Variants in APPL2 observed in about 807,000 individuals in gnomAD.
APPL2 encodes adaptor protein, phosphotyrosine interacting with PH domain and leucine zipper 2, also known as DCC-interacting protein 13-beta.
Under a neutral mutation model 92.7 loss-of-function variants are expected in APPL2, and 84 were observed. The ratio of observed to expected loss-of-function variants is 0.91; its 90% CI spans 0.76 to 1.09. The LOEUF (loss-of-function observed/expected upper bound fraction) is 1.09. APPL2 is among the 50% of genes least tolerant of loss of function. The pLI is 0.00. For missense variants in APPL2, 736 were observed against 824.5 expected (o/e 0.89, Z 1.31); for synonymous variants, 291 against 291.0 (o/e 1.00, Z 0.00).
chr12:105,223,658 C>T (rs547999410), intron 2 of APPL2, among the ~76,000 whole-genome samples: 26 of 152,108 alleles, frequency 1.7e-4, no homozygotes, highest in African/African-American at 5.8e-4. Context: ...AGATGTTTGG[C>T]GAGGAGCCAA....
intron 2 of APPL2, among the ~76,000 whole-genome samples, chr12:105,227,527 C>G (rs1364897457): frequency 6.6e-6 from 1 of 152,192 alleles, no homozygotes; most frequent in African/African-American, 2.4e-5. Flanking sequence ...TTCCTGTGTT[C>G]TCCCATGTAT....
At chr12:105,224,072 T>C (rs1225495180) in intron 2 of APPL2, among the ~76,000 whole-genome samples, 1 of 152,072 alleles carries the variant, frequency 6.6e-6, no homozygotes, top group African/African-American at 2.4e-5. Flanking sequence ...CTAAAAGCAA[T>C]CAACAGCTTT....
At chr12:105,209,967 T>C (rs971691823) in intron 5 of APPL2, among the ~76,000 whole-genome samples, 5 of 131,396 alleles carry the variant, frequency 3.8e-5, no homozygotes, top group Non-Finnish European at 8.4e-5. Flanking sequence ...ATCTTCACCC[T>C]TTTTTTTTTT....
At chr12:105,190,232 CTT>C (rs1887086995) in intron 14 of APPL2, 77 bp from the exon 15 acceptor site, 1 of 1,448,762 alleles carries the variant, frequency 6.9e-7, no homozygotes, top group Non-Finnish European at 9.3e-7. Context: ...GCTGAGGTGA[CTT>C]TTATGAATGA....
intron 8 of APPL2, among the ~76,000 whole-genome samples, chr12:105,204,839 C>A (rs1013796839): frequency 6.6e-6 from 1 of 152,128 alleles, no homozygotes; most frequent in African/African-American, 2.4e-5. Flanking sequence ...AATGGATGAA[C>A]GGAAGGCAGG....
At position 105,229,157 on chromosome 12, in the gene APPL2, G is replaced by A. The variant is rs769835660; in HGVS notation, c.121C>T (p.Leu41Phe). ...CCATAGACGCGCTGCATTGCCTGGA[G>A]CAGCTGGTTGGTATAGTCTGTGAGG... ...GTLTDYTNQL[L>F]QAMQRVYGAQ... The change falls in exon 2 of 21, where the codon CTC becomes TTC. Residue 41 changes from leucine to phenylalanine, a missense_variant. Physicochemically the swap from Leu to Phe is conservative, Grantham distance 22. Coordinates refer to ENST00000258530, the MANE Select transcript of APPL2 (RefSeq NM_018171.5). The A allele has an allele frequency of 6.2e-7, 1 of 1,613,330 alleles. No individual in the cohort carries two copies. Among genetic ancestry groups the A allele is most frequent in the Non-Finnish European group, 8.5e-7 (1 of 1,179,752 alleles).
intron 1 of APPL2, 55 bp from the exon 2 acceptor site, chr12:105,229,278 A>G: frequency 6.7e-7 from 1 of 1,493,542 alleles, no homozygotes; most frequent in Non-Finnish European, 9.2e-7. Context: ...AAAGTTACAG[A>G]GGAGGAGGAA....
chr12:105,231,570 C>A (rs1009327685), intron 1 of APPL2, among the ~76,000 whole-genome samples: 2 of 152,158 alleles, frequency 1.3e-5, no homozygotes, highest in African/African-American at 2.4e-5. Context: ...GTAAATGGGT[C>A]GGCAGCACTG....
rs1371642674 is a variant in APPL2 at position 105,184,934 on chromosome 12, T to G, written c.1634+3339A>C. ...AGCCCCTGACTGGGGGCTGCTACCT[T>G]TCTTTCAGAGATGCCCTGCCCAGAG... On this transcript the variant is annotated intron_variant, in intron 17 of 20. Transcript: ENST00000258530. Among the ~76,000 whole-genome samples the G allele has an allele frequency of 2.0e-5, 3 of 152,314 alleles. No homozygotes were observed. The East Asian group carries it at 5.8e-4, about 29-fold the overall frequency.
At chr12:105,201,905 C>T (rs1009708409) in intron 9 of APPL2, among the ~76,000 whole-genome samples, 2 of 152,168 alleles carry the variant, frequency 1.3e-5, no homozygotes, top group African/African-American at 4.8e-5. Context: ...CTGGAAAGCA[C>T]AGAGCACCTG....
intron 17 of APPL2, among the ~76,000 whole-genome samples, chr12:105,178,221 T>C (rs1034147410): frequency 6.6e-6 from 1 of 152,258 alleles, no homozygotes; most frequent in Admixed American, 6.5e-5. Context: ...TACTGTATTG[T>C]ACTCGTGTTG....
chr12:105,197,820 C>T lies in APPL2; in HGVS notation c.997G>A (p.Val333Met), dbSNP rs751080795. Residue 333 changes from valine (V) to methionine (M), a missense_variant, in exon 11 of 21, where the codon GTG (valine) becomes ATG (methionine). Coordinates refer to ENST00000258530, the MANE Select transcript of APPL2 (RefSeq NM_018171.5). ...QDLDNCSVMA[V>M]DCEDRRYCFQ... The stretch of plus-strand genomic sequence containing the variant: ...CAGTAGCGCCGGTCTTCGCAATCCA[C>T]GGCCATCACTGAGCAGTTGTCCAGG... 16 of 1,614,090 alleles carry T rather than the reference C, an allele frequency of 9.9e-6. No individual in the cohort carries two copies. Among genetic ancestry groups the T allele is most frequent in the Non-Finnish European group, 1.3e-5 (15 of 1,180,044 alleles).
intron 1 of APPL2, among the ~76,000 whole-genome samples, chr12:105,234,115 G>A (rs1891096534): frequency 6.6e-6 from 1 of 152,162 alleles, no homozygotes; most frequent in African/African-American, 2.4e-5. Context: ...TCTTAAGGGT[G>A]ATGGCCAAGT....
Position 105,213,464 on chromosome 12 carries a change from C to A in APPL2, c.286-2147G>T, listed in dbSNP as rs373422705. On this transcript the variant is annotated intron_variant, in intron 4 of 20. Coordinates refer to ENST00000258530, the MANE Select transcript of APPL2 (RefSeq NM_018171.5). ...GACAGTGACATGAACAGGACACACT[C>A]AGAGCAGAGTGCCTGGCATATATGC... Among the ~76,000 whole-genome samples, 6 of 152,324 alleles carry A rather than the reference C, an allele frequency of 3.9e-5. No homozygotes were observed. The East Asian group carries it at 1.2e-3, about 29-fold the overall frequency.
intron 9 of APPL2, among the ~76,000 whole-genome samples, chr12:105,202,561 G>C (rs1334323852): frequency 6.6e-6 from 1 of 152,182 alleles, no homozygotes; most frequent in Admixed American, 6.5e-5. Flanking sequence ...TGAAAGATGA[G>C]GGACAGAGGA....
intron 19 of APPL2, among the ~76,000 whole-genome samples, chr12:105,176,570 A>AT (rs1320124941): frequency 1.3e-5 from 2 of 152,118 alleles, no homozygotes; most frequent in South Asian, 2.1e-4. Context: ...TTTTGCCTTA[A>AT]TTTTTTTTAA....
chr12:105,228,503 A>T (rs988993062), intron 2 of APPL2, among the ~76,000 whole-genome samples: 1 of 152,234 alleles, frequency 6.6e-6, no homozygotes, highest in Non-Finnish European at 1.5e-5. Flanking sequence ...TAATATTGTG[A>T]TGTGTTCAAT....
rs1050137763 is a variant in APPL2 at position 105,207,302 on chromosome 12, A to C, written c.475-95T>G. On this transcript the variant is annotated intron_variant, in intron 7 of 20. Transcript: ENST00000258530. ...TCAAAATGTGTGTTTATGCATTATA[A>C]CCATTTTTGTGACAAATATAACAAA... The C allele has an allele frequency of 1.2e-5, 15 of 1,250,120 alleles. No individual in the cohort carries two copies. The East Asian group carries it at 3.4e-4, about 29-fold the overall frequency. The allele number at this position is 1,250,120 out of a possible 1,614,324, so 77.4% of individuals were successfully genotyped here.
chr12:105,199,192 T>G, intron 10 of APPL2, 181 bp downstream of exon 10: 1 of 667,234 alleles, frequency 1.5e-6, no homozygotes, highest in Non-Finnish European at 2.5e-6. Context: ...CTTAGTGCAG[T>G]TTGGCGCCTG....
Sources: gnomAD v4.1 joint callset for allele counts (sites outside exome capture counted in the v4.1 genomes callset) on GRCh38, gnomAD v4.1.1 for gene constraint, MANE v1.5 for transcripts, NCBI Gene and HGNC (gene_info 2026-07-23, HGNC 2026-07-21) for gene names.